ODAD2: variants seen among roughly 807,000 people sequenced by gnomAD.
ODAD2 encodes outer dynein arm docking complex subunit 2.
A neutral mutation model predicts 106.8 loss-of-function variants in ODAD2; 89 were observed. The ratio of observed to expected loss-of-function variants is 0.83; its 90% CI spans 0.70 to 0.99. The LOEUF is 0.99. Among genes scored for constraint, ODAD2 ranks in the 50% least tolerant of loss-of-function variants. The pLI is 0.00. For missense variants in ODAD2, 1,168 were observed against 1,238.5 expected (o/e 0.94, Z 0.85); for synonymous variants, 404 against 436.2 (o/e 0.93, Z 0.92).
At chr10:27,906,757 A>T (rs924893758) in intron 17 of ODAD2, among the ~76,000 whole-genome samples, 3 of 152,104 alleles carry the variant, frequency 2.0e-5, no homozygotes, top group African/African-American at 7.2e-5. Flanking sequence ...GCAAACTAAT[A>T]CAGGAACAAA....
intron 17 of ODAD2, among the ~76,000 whole-genome samples, chr10:27,889,102 T>C (rs2133684079): frequency 6.6e-6 from 1 of 152,280 alleles, no homozygotes; most frequent in African/African-American, 2.4e-5. Flanking sequence ...CCAAATCTAG[T>C]TCACTTCTTG....
intron 19 of ODAD2, among the ~76,000 whole-genome samples, chr10:27,837,558 A>G (rs1415884114): frequency 6.6e-6 from 1 of 152,230 alleles, no homozygotes; most frequent in African/African-American, 2.4e-5. Context: ...AAGCAGAGGT[A>G]TAAATACAGA....
At chr10:27,832,547 A>T (rs1837565727) in intron 19 of ODAD2, among the ~76,000 whole-genome samples, 2 of 152,160 alleles carry the variant, frequency 1.3e-5, no homozygotes, top group East Asian at 3.9e-4. Context: ...ACACACACAC[A>T]CACACATTTC....
intron 19 of ODAD2, among the ~76,000 whole-genome samples, chr10:27,852,915 C>A (rs1398171790): frequency 7.2e-6 from 1 of 139,696 alleles, no homozygotes; most frequent in Non-Finnish European, 1.5e-5. Flanking sequence ...GAGCTGAGAT[C>A]GCGCCGTTGC....
intron 17 of ODAD2, among the ~76,000 whole-genome samples, chr10:27,865,016 A>G (rs1269943883): frequency 1.3e-5 from 2 of 152,064 alleles, no homozygotes; most frequent in Non-Finnish European, 2.9e-5. Flanking sequence ...ATCATTAGAA[A>G]CCGTAAATCT....
chr10:27,919,420 T>C (rs982988326), intron 16 of ODAD2, among the ~76,000 whole-genome samples: 15 of 152,040 alleles, frequency 9.9e-5, no homozygotes, highest in African/African-American at 1.7e-4. Flanking sequence ...ACAGTACATA[T>C]ATCTAATAAT....
intron 17 of ODAD2, among the ~76,000 whole-genome samples, chr10:27,898,746 T>C (rs1199899107): frequency 6.6e-6 from 1 of 152,190 alleles, no homozygotes; most frequent in African/African-American, 2.4e-5. Flanking sequence ...GTGATATGTA[T>C]TGATATTGAC....
At chr10:27,941,004 G>A (rs940382681) in intron 12 of ODAD2, among the ~76,000 whole-genome samples, 199 bp from the exon 13 acceptor site, 3 of 152,014 alleles carry the variant, frequency 2.0e-5, no homozygotes, top group Admixed American at 2.0e-4. Flanking sequence ...CCAGATTTGG[G>A]AGCTTATACA....
chr10:27,952,338 C>T (rs1424205066), intron 10 of ODAD2, among the ~76,000 whole-genome samples: 2 of 151,600 alleles, frequency 1.3e-5, no homozygotes, highest in African/African-American at 2.4e-5. Flanking sequence ...GACTACACAT[C>T]GATGAGAATT....
intron 19 of ODAD2, among the ~76,000 whole-genome samples, chr10:27,816,952 G>A (rs1201416980): frequency 1.3e-5 from 2 of 152,142 alleles, no homozygotes; most frequent in Non-Finnish European, 2.9e-5. Flanking sequence ...GTTTTGCCAT[G>A]TTGGCCAGGC....
chr10:27,837,396 C>A (rs546624941), intron 19 of ODAD2, among the ~76,000 whole-genome samples: 1 of 152,322 alleles, frequency 6.6e-6, no homozygotes, highest in Admixed American at 6.5e-5. Context: ...TCTGGCAAGT[C>A]ATTTCCTAGG....
intron 13 of ODAD2, 91 bp downstream of exon 13, chr10:27,940,472 T>C: frequency 6.8e-7 from 1 of 1,477,908 alleles, no homozygotes; most frequent in East Asian, 2.3e-5. Context: ...AAAAAGAATG[T>C]CCTTGAGCCA....
At chr10:27,855,599 C>A (rs1290094284) in intron 19 of ODAD2, among the ~76,000 whole-genome samples, 1 of 152,168 alleles carries the variant, frequency 6.6e-6, no homozygotes, top group Admixed American at 6.5e-5. Flanking sequence ...ACCTTAGTAT[C>A]TAAAATCCGT....
intron 19 of ODAD2, among the ~76,000 whole-genome samples, chr10:27,813,918 G>T (rs1186352337): frequency 6.6e-6 from 1 of 152,154 alleles, no homozygotes; most frequent in Non-Finnish European, 1.5e-5. Flanking sequence ...CGATATTTGG[G>T]ATGAAATAAC....
At chr10:27,989,110 C>T (rs1393311396) in intron 2 of ODAD2, among the ~76,000 whole-genome samples, 5 of 152,152 alleles carry the variant, frequency 3.3e-5, no homozygotes, top group Non-Finnish European at 5.9e-5. Flanking sequence ...GAATGCAACC[C>T]TGCCGATACC....
chr10:27,952,074 C>CCA (rs1847369408), intron 10 of ODAD2, among the ~76,000 whole-genome samples: 1 of 44,038 alleles, frequency 2.3e-5, no homozygotes, highest in African/African-American at 7.9e-5. Flanking sequence ...GATGCCAACT[C>CCA]AAAAAAAAAA....
intron 17 of ODAD2, among the ~76,000 whole-genome samples, chr10:27,888,324 A>G (rs557210696): frequency 2.6e-5 from 4 of 152,066 alleles, no homozygotes; most frequent in African/African-American, 9.6e-5. Context: ...GCCAACATAC[A>G]TTGTTTTTGT....
intron 7 of ODAD2, among the ~76,000 whole-genome samples, chr10:27,976,684 T>C (rs138191635): frequency 3.3e-4 from 51 of 152,304 alleles, no homozygotes; most frequent in African/African-American, 1.1e-3. Flanking sequence ...AATTCGTCTA[T>C]AAATTCAAGG....
At chr10:27,981,691 C>T in intron 6 of ODAD2, 109 bp from the exon 7 acceptor site, 7 of 797,114 alleles carry the variant, frequency 8.8e-6, no homozygotes, top group East Asian at 3.0e-5. Context: ...TCCGAAGGAT[C>T]TATATGGTAG....
Sources: allele counts gnomAD v4.1 joint callset (sites outside exome capture counted in the v4.1 genomes callset), GRCh38; gene constraint gnomAD v4.1.1; transcripts MANE v1.5; gene names NCBI Gene and HGNC (gene_info 2026-07-23, HGNC 2026-07-21).